ACBD5: variants seen among roughly 807,000 people sequenced by gnomAD.
ACBD5 encodes the protein acyl-CoA binding domain containing 5.
ACBD5 carries 40 observed loss-of-function variants against 71.8 expected under a neutral mutation model. The ratio of observed to expected loss-of-function variants is 0.56; its 90% CI spans 0.43 to 0.72. ACBD5 has a LOEUF of 0.72. Ranked by LOEUF, ACBD5 falls within the 30% of genes least tolerant of loss-of-function variation. The pLI is 0.00. For synonymous variants in ACBD5, 229 were observed against 218.6 expected (o/e 1.05, Z -0.42); for missense variants, 559 against 644.5 (o/e 0.87, Z 1.44).
At chr10:27,206,870 GACA>G (rs1241862142) in intron 10 of ACBD5, among the ~76,000 whole-genome samples, 1 of 152,148 alleles carries the variant, frequency 6.6e-6, no homozygotes, top group East Asian at 1.9e-4. Context: ...ATCTGATGAA[GACA>G]ACAAGTCCTC....
At chr10:27,215,926 G>A (rs1422617607) in intron 7 of ACBD5, among the ~76,000 whole-genome samples, 1 of 152,020 alleles carries the variant, frequency 6.6e-6, no homozygotes, top group Non-Finnish European at 1.5e-5. Context: ...CCAGGCTGGA[G>A]TGCAGTGGTG....
At chr10:27,226,269 G>C (rs563928646) in intron 4 of ACBD5, among the ~76,000 whole-genome samples, 1 of 152,142 alleles carries the variant, frequency 6.6e-6, no homozygotes, top group South Asian at 2.1e-4. Flanking sequence ...AGTAAACACA[G>C]TACCCAATAG....
At chr10:27,186,646 G>C (rs759997609) in intron 13 of ACBD5, 8 of 1,017,778 alleles carry the variant, frequency 7.9e-6, no homozygotes, top group Non-Finnish European at 1.2e-5. Flanking sequence ...ATTTAACCTA[G>C]TTCAATGTGC....
intron 12 of ACBD5, among the ~76,000 whole-genome samples, chr10:27,198,339 G>T (rs2059568700): frequency 1.3e-5 from 2 of 152,160 alleles, no homozygotes; most frequent in South Asian, 4.1e-4. Flanking sequence ...AGAAAAGGCT[G>T]AGCTTGTTAG....
chr10:27,241,096 G>C (rs2065448127), upstream of ACBD5, among the ~76,000 whole-genome samples: 1 of 152,234 alleles, frequency 6.6e-6, no homozygotes, highest in Non-Finnish European at 1.5e-5. Flanking sequence ...GGGATGCGCG[G>C]TTGGGTTCTG....
intron 2 of ACBD5, among the ~76,000 whole-genome samples, chr10:27,235,449 AAAG>A (rs1043902975): frequency 1.3e-5 from 2 of 152,264 alleles, no homozygotes; most frequent in African/African-American, 4.8e-5. Flanking sequence ...TCAATAAATA[AAAG>A]AATACATGAA....
chr10:27,212,456 A>C (rs2061192853), intron 8 of ACBD5, among the ~76,000 whole-genome samples: 1 of 152,068 alleles, frequency 6.6e-6, no homozygotes, highest in South Asian at 2.1e-4. Flanking sequence ...ACCTTCCCCA[A>C]ATATCTCTTT....
chr10:27,199,250 G>A (rs930211058), intron 12 of ACBD5, among the ~76,000 whole-genome samples: 10 of 150,348 alleles, frequency 6.7e-5, no homozygotes, highest in South Asian at 2.1e-4. Context: ...GTGCAGTGGC[G>A]CGCGACCTCG....
chr10:27,229,695 G>A (rs182612805), intron 4 of ACBD5, among the ~76,000 whole-genome samples: 1 of 152,086 alleles, frequency 6.6e-6, no homozygotes, highest in African/African-American at 2.4e-5. Context: ...TTAGAAACAC[G>A]CAATTTTATT....
Position 27,200,566 on chromosome 10 carries a change from T to C in ACBD5, c.1566-3124A>G, listed in dbSNP as rs1223651011. On this transcript the variant is annotated intron_variant, in intron 12 of 12. Coordinates refer to ENST00000396271, the MANE Select transcript of ACBD5 (RefSeq NM_145698.5). Reference sequence around the variant, plus strand: ...TTCAAGCAATTCCCCTGCCTCAACCTCCCGAGTAGCTGGGATTACAGGTGC... The same window carrying C: ...TTCAAGCAATTCCCCTGCCTCAACCCCCCGAGTAGCTGGGATTACAGGTGC... Among the ~76,000 whole-genome samples, 5 of 151,506 alleles carry C rather than the reference T, an allele frequency of 3.3e-5. No homozygotes were observed. The East Asian group carries it at 7.7e-4, about 23-fold the overall frequency.
intron 6 of ACBD5, among the ~76,000 whole-genome samples, chr10:27,219,319 A>AAC (rs200206648): frequency 1.3e-5 from 2 of 150,844 alleles, no homozygotes; most frequent in Non-Finnish European, 3.0e-5. Flanking sequence ...AAAAAAACAA[A>AAC]AAAAAAACAC....
downstream of ACBD5, among the ~76,000 whole-genome samples, chr10:27,191,243 G>A (rs918071861): frequency 2.0e-5 from 3 of 152,164 alleles, no homozygotes; most frequent in African/African-American, 4.8e-5. Flanking sequence ...ATACGACACT[G>A]TAGAAAAGGC....
chr10:27,234,517 A>G (rs1170886122), intron 3 of ACBD5, among the ~76,000 whole-genome samples: 1 of 148,886 alleles, frequency 6.7e-6, no homozygotes, highest in African/African-American at 2.5e-5. Flanking sequence ...AAAAGGGAAA[A>G]CTCCATGAAA....
At chr10:27,216,065 G>C (rs1487157459) in intron 7 of ACBD5, among the ~76,000 whole-genome samples, 1 of 151,990 alleles carries the variant, frequency 6.6e-6, no homozygotes, top group Non-Finnish European at 1.5e-5. Context: ...GTAGAGACAG[G>C]GTTTCTCCAT....
chr10:27,208,408 G>A lies in ACBD5; in HGVS notation c.1242C>T (p.Gly414=), dbSNP rs2136971363. ...CATCACCTCCACTTCCCACCTGCCG[G>A]CCCTTGGTTCCTTCGCTCAAGTGTT... ...RMQHLSEGTK[G]RQVGSGGDGE... Residue 414 remains glycine (G), a synonymous_variant, in exon 10 of 13, where the codon GGC becomes GGT. Transcript: ENST00000396271. 1 of 1,614,072 alleles carries A rather than the reference G, an allele frequency of 6.2e-7. No individual in the cohort carries two copies. The highest frequency in any genetic ancestry group is 1.1e-5 in the South Asian group (1 of 91,078).
At position 27,240,249 on chromosome 10, in the gene ACBD5, A is replaced by C. The variant is rs1486578492; in HGVS notation, c.181+70T>G. ...AAAAGGCTAAATAAACAACACTAGAACCAGAAAGTGAAAGGGGGCTTTGGG... is the reference window on the plus strand; with the variant it reads ...AAAAGGCTAAATAAACAACACTAGACCCAGAAAGTGAAAGGGGGCTTTGGG... On this transcript the variant is annotated intron_variant, in intron 2 of 12. Transcript: ENST00000396271. The surrounding 1 kb of genome is among the most constrained non-coding windows in gnomAD (Gnocchi z 4.1). 3.7e-6 allele frequency: 6 copies of C among 1,612,744 alleles called. No homozygotes were observed. Among genetic ancestry groups the C allele is most frequent in the Middle Eastern group, 3.3e-4 (2 of 6,078 alleles).
chr10:27,223,411 C>G lies in ACBD5; in HGVS notation c.417G>C (p.Leu139Phe). The G allele has an allele frequency of 6.2e-7, 1 of 1,613,732 alleles. No homozygotes were observed. Among genetic ancestry groups the G allele is most frequent in the Non-Finnish European group, 8.5e-7 (1 of 1,179,998 alleles). ...CATAAAATGGACCTATGACACGCAG[C>G]AATTCTTCAACTTTCTCAGTCATTG... ...TMPMTEKVEE[L>F]LRVIGPFYEI... The change falls in exon 5 of 13, where the codon TTG (leucine) becomes TTC (phenylalanine). Residue 139 changes from leucine to phenylalanine, a missense_variant. By Grantham distance (22) the Leu-to-Phe change is conservative (BLOSUM62 0). Transcript: ENST00000396271.
At chr10:27,206,917 G>C (rs1266845763) in intron 10 of ACBD5, among the ~76,000 whole-genome samples, 2 of 152,068 alleles carry the variant, frequency 1.3e-5, no homozygotes, top group Non-Finnish European at 2.9e-5. Flanking sequence ...AGACAAATGT[G>C]CATAGTATTT....
intron 4 of ACBD5, among the ~76,000 whole-genome samples, chr10:27,230,701 G>A (rs371143700): frequency 1.2e-3 from 188 of 151,022 alleles, no homozygotes; most frequent in African/African-American, 4.4e-3. Flanking sequence ...GGAGGCTGAG[G>A]CAGGAGAATC....
Sources: gnomAD v4.1 joint callset for allele counts (sites outside exome capture counted in the v4.1 genomes callset) on GRCh38, gnomAD v4.1.1 for gene constraint, Gnocchi (gnomAD v3.1) non-coding constraint, MANE v1.5 for transcripts, NCBI Gene and HGNC (gene_info 2026-07-23, HGNC 2026-07-21) for gene names.